SASH1: variants seen among roughly 807,000 people sequenced by gnomAD.
The protein encoded by SASH1 is SAM and SH3 domain-containing protein 1.
In SASH1, 44 loss-of-function variants were observed where a neutral mutation model predicts 125.2. That is an observed-to-expected ratio of 0.35 (90% CI 0.28 to 0.45). SASH1 has a LOEUF of 0.45. SASH1 is among the 20% of genes least tolerant of loss of function. The pLI is 1.00. For missense variants in SASH1, 1,426 were observed against 1,614.5 expected, an observed-to-expected ratio of 0.88 and a Z score of 2.00; for synonymous variants, 639 against 649.1, an observed-to-expected ratio of 0.98 and a Z score of 0.24.
chr6:148,505,627 T>C (rs75512287), intron 8 of SASH1, among the ~76,000 whole-genome samples: 3 of 147,452 alleles, frequency 2.0e-5, no homozygotes, highest in Non-Finnish European at 4.5e-5. Context: ...TGGGTTTTTT[T>C]GTTGTTGTTT....
chr6:148,354,012 A>T (rs1781834871), intron 1 of SASH1, among the ~76,000 whole-genome samples: 1 of 152,130 alleles, frequency 6.6e-6, no homozygotes, highest in Admixed American at 6.5e-5. Flanking sequence ...TCTACAAAAA[A>T]AATTTAAAAG....
At chr6:148,497,941 G>T (rs552526824) in intron 8 of SASH1, among the ~76,000 whole-genome samples, 1 of 152,258 alleles carries the variant, frequency 6.6e-6, no homozygotes, top group South Asian at 2.1e-4. Flanking sequence ...GTGGGTGTGT[G>T]TTCCATACCT....
intron 1 of SASH1, among the ~76,000 whole-genome samples, chr6:148,347,279 C>T (rs993702375): frequency 2.0e-5 from 3 of 152,248 alleles, no homozygotes; most frequent in East Asian, 1.9e-4. Flanking sequence ...CTGCAAGATG[C>T]ACCTCCCCCA....
intron 1 of SASH1, among the ~76,000 whole-genome samples, chr6:148,289,959 C>G (rs1448710452): frequency 6.7e-6 from 1 of 149,922 alleles, no homozygotes; most frequent in Non-Finnish European, 1.5e-5. Flanking sequence ...CCTCTGCCTC[C>G]CAGGTTCAAG....
At chr6:148,386,270 T>C (rs1783362525) in intron 1 of SASH1, among the ~76,000 whole-genome samples, 1 of 152,154 alleles carries the variant, frequency 6.6e-6, no homozygotes, top group Non-Finnish European at 1.5e-5. Context: ...TTAGGATATA[T>C]GAGAGAGAAG....
rs1253143966 is a variant in SASH1 at position 148,549,214 on chromosome 6, C to G, written c.*656C>G. 2.3e-5 allele frequency: 4 copies of G among 177,256 alleles called. No homozygotes were observed. In the East Asian group the frequency reaches 6.0e-4, roughly 27 times the overall value. 11.0% of individuals were successfully genotyped at this position (177,256 alleles called of 1,614,324 possible). A position where few individuals can be genotyped will look rare whatever the true frequency, so the allele number is the denominator to read the frequency against. Reference sequence around the variant, plus strand: ...CCACAACCCTGTAACCATACTTCCACATCTTCAGCTTAGGCAGACATCGAA... The same window carrying G: ...CCACAACCCTGTAACCATACTTCCAGATCTTCAGCTTAGGCAGACATCGAA... On this transcript the variant is annotated 3_prime_UTR_variant, in exon 20 of 20. Transcript: ENST00000367467.
intron 1 of SASH1, among the ~76,000 whole-genome samples, chr6:148,307,072 CTT>C (rs1165432873): frequency 5.5e-5 from 8 of 146,658 alleles, no homozygotes; most frequent in African/African-American, 1.8e-4. Flanking sequence ...TTCTTTCTTT[CTT>C]TCTTTCTTTC....
upstream of SASH1, among the ~76,000 whole-genome samples, chr6:148,340,490 CA>C (rs67188759): frequency 0.41 from 47,523 of 117,170 alleles, 7,412 homozygotes; most frequent in Middle Eastern, 0.48. Flanking sequence ...GACTCTGTCT[CA>C]AAAAAAAAAA....
chr6:148,357,396 A>T (rs1281780635), intron 1 of SASH1, among the ~76,000 whole-genome samples: 1 of 152,184 alleles, frequency 6.6e-6, no homozygotes, highest in Non-Finnish European at 1.5e-5. Flanking sequence ...CTGAGCTTAT[A>T]TATCTTTGCA....
intron 2 of SASH1, among the ~76,000 whole-genome samples, chr6:148,407,765 T>G (rs1360958843): frequency 6.6e-6 from 1 of 152,154 alleles, no homozygotes; most frequent in Non-Finnish European, 1.5e-5. Context: ...CCCGAGTAGC[T>G]GGGACTACAG....
At chr6:148,238,209 C>CTT in the SASH1 span, among the ~76,000 whole-genome samples, 1 of 148,008 alleles carries the variant, frequency 6.8e-6, no homozygotes, top group Admixed American at 6.7e-5. Context: ...CCCCATAGTA[C>CTT]TTACTTTATT....
intron 7 of SASH1, among the ~76,000 whole-genome samples, chr6:148,486,936 AATATATAT>A (rs68036618): frequency 2.1e-3 from 129 of 61,926 alleles, no homozygotes; most frequent in Admixed American, 3.1e-3. Flanking sequence ...AACAACAACA[AATATATAT>A]ATATATATAT....
intron 2 of SASH1, among the ~76,000 whole-genome samples, chr6:148,415,618 A>G (rs1441178854): frequency 6.6e-6 from 1 of 152,220 alleles, no homozygotes; most frequent in Non-Finnish European, 1.5e-5. Context: ...TGAAAGATAA[A>G]TACAAATAGG....
rs1318786831 is a variant in SASH1, at chr6:148,351,200, T to G, written c.156+7977T>G. ...CCTTTCTGCGATAGTAGTTTTTTTT[T>G]TTTTTTTTTTTTTTCTGAAAGGCTC... On this transcript the variant is annotated intron_variant, in intron 1 of 19. Transcript: ENST00000367467. Among the ~76,000 whole-genome samples, 13 of 151,310 alleles carry G rather than the reference T, an allele frequency of 8.6e-5. No individual in the cohort carries two copies. In the East Asian group the frequency reaches 1.2e-3, roughly 14 times the overall value.
At chr6:148,309,863 A>G (rs564886863) in intron 1 of SASH1, among the ~76,000 whole-genome samples, 1 of 152,170 alleles carries the variant, frequency 6.6e-6, no homozygotes, top group South Asian at 2.1e-4. Context: ...AGTTTTGAGT[A>G]ATTAATATCC....
At chr6:148,399,148 G>C (rs955991471) in intron 2 of SASH1, among the ~76,000 whole-genome samples, 5 of 151,006 alleles carry the variant, frequency 3.3e-5, no homozygotes, top group Admixed American at 1.3e-4. Context: ...TGGCTGTGTT[G>C]TGCATGACAG....
At chr6:148,199,999 A>G in the SASH1 span, among the ~76,000 whole-genome samples, 1 of 152,086 alleles carries the variant, frequency 6.6e-6, no homozygotes, top group African/African-American at 2.4e-5. Context: ...AACCCGGAAT[A>G]GTAGTATTTC....
At chr6:148,312,805 A>G (rs962174219) in intron 1 of SASH1, among the ~76,000 whole-genome samples, 1 of 152,142 alleles carries the variant, frequency 6.6e-6, no homozygotes, top group African/African-American at 2.4e-5. Flanking sequence ...CTTAGGAGAT[A>G]GGTTCTATTG....
At chr6:148,425,073 G>T (rs1198241783) in intron 2 of SASH1, among the ~76,000 whole-genome samples, 3 of 152,090 alleles carry the variant, frequency 2.0e-5, no homozygotes, top group Non-Finnish European at 4.4e-5. Flanking sequence ...GGCATACTTG[G>T]TCATCATGGT....
Sources: allele counts gnomAD v4.1 joint callset (sites outside exome capture counted in the v4.1 genomes callset), GRCh38; gene constraint gnomAD v4.1.1; transcripts MANE v1.5; gene names NCBI Gene and HGNC (gene_info 2026-07-23, HGNC 2026-07-21).